The following NEGR1 variants were observed in gnomAD, a reference collection of about 807,000 sequenced individuals.
NEGR1 encodes neuronal growth regulator 1, also known as IgLON family member 4.
NEGR1 carries 10 observed loss-of-function variants against 40.9 expected under a neutral mutation model. The observed-to-expected ratio is 0.24, with a 90% CI of 0.15 to 0.42. NEGR1 has a LOEUF of 0.42. NEGR1 is among the 10% of genes least tolerant of loss of function. NEGR1 has a pLI of 1.00. For synonymous variants in NEGR1, 185 were observed against 166.8 expected, an observed-to-expected ratio of 1.11 and a Z score of -0.84; for missense variants, 352 against 438.9, an observed-to-expected ratio of 0.80 and a Z score of 1.77.
At chr1:72,095,653 T>A (rs577906310) in intron 1 of NEGR1, among the ~76,000 whole-genome samples, 21 of 151,858 alleles carry the variant, frequency 1.4e-4, no homozygotes, top group South Asian at 2.1e-4. Flanking sequence ...ATATATATAT[T>A]TTTTTAAACT....
At chr1:71,957,254 G>A (rs746056562) in intron 1 of NEGR1, among the ~76,000 whole-genome samples, 2 of 151,984 alleles carry the variant, frequency 1.3e-5, no homozygotes, top group Admixed American at 6.6e-5. Context: ...TTTAGTCTAC[G>A]GAGCAGAAAA....
chr1:71,632,649 T>C (rs1175810815), intron 4 of NEGR1, among the ~76,000 whole-genome samples: 1 of 151,888 alleles, frequency 6.6e-6, no homozygotes. Flanking sequence ...TCTCCATAAG[T>C]ACATTATGCC....
At chr1:72,034,767 T>C (rs575705798) in intron 1 of NEGR1, among the ~76,000 whole-genome samples, 1 of 152,000 alleles carries the variant, frequency 6.6e-6, no homozygotes, top group African/African-American at 2.4e-5. Flanking sequence ...AATACAGGAG[T>C]TATTAAGAAA....
intron 4 of NEGR1, among the ~76,000 whole-genome samples, chr1:71,674,481 C>T (rs1421531380): frequency 1.3e-5 from 2 of 151,982 alleles, no homozygotes; most frequent in Non-Finnish European, 2.9e-5. Flanking sequence ...GTTGCCTATG[C>T]TGTTTAGACT....
intron 4 of NEGR1, among the ~76,000 whole-genome samples, chr1:71,671,534 A>G (rs994886192): frequency 1.3e-5 from 2 of 152,198 alleles, no homozygotes; most frequent in African/African-American, 4.8e-5. Flanking sequence ...GGAAAAAACT[A>G]TTTTAGGGTA....
intron 6 of NEGR1, among the ~76,000 whole-genome samples, chr1:71,535,775 G>A (rs114152578): frequency 0.01 from 1,520 of 151,780 alleles, 27 homozygotes; most frequent in African/African-American, 0.034. Context: ...CTTGATGTGA[G>A]ATAGTTCAGT....
chr1:71,499,940 A>C (rs1306468942), intron 6 of NEGR1, among the ~76,000 whole-genome samples: 1 of 152,188 alleles, frequency 6.6e-6, no homozygotes, highest in East Asian at 1.9e-4. Flanking sequence ...TCCAACTGCC[A>C]ATCACAGCTA....
chr1:72,225,156 C>G (rs531237265), intron 1 of NEGR1, among the ~76,000 whole-genome samples: 1 of 151,828 alleles, frequency 6.6e-6, no homozygotes, highest in Non-Finnish European at 1.5e-5. Context: ...GTAGCTGAGG[C>G]CTTCAGACCA....
chr1:72,027,017 C>A (rs972050732), intron 1 of NEGR1, among the ~76,000 whole-genome samples: 4 of 152,070 alleles, frequency 2.6e-5, no homozygotes, highest in Admixed American at 6.5e-5. Context: ...GCTCCACCTG[C>A]CAGATTCATG....
At chr1:72,196,211 A>G (rs971843378) in intron 1 of NEGR1, among the ~76,000 whole-genome samples, 3 of 152,056 alleles carry the variant, frequency 2.0e-5, no homozygotes, top group African/African-American at 7.2e-5. Flanking sequence ...ATGCTCAAAG[A>G]AAATGCTCAC....
chr1:71,760,995 A>AT (rs1358433742), intron 3 of NEGR1, among the ~76,000 whole-genome samples: 3 of 152,180 alleles, frequency 2.0e-5, no homozygotes, highest in African/African-American at 7.2e-5. Flanking sequence ...GTGTTCATAG[A>AT]TTTTAGCTCA....
At chr1:71,458,050 T>TA (rs1011253156) in intron 6 of NEGR1, among the ~76,000 whole-genome samples, 5 of 152,252 alleles carry the variant, frequency 3.3e-5, no homozygotes, top group Non-Finnish European at 5.9e-5. Context: ...GTTATGTCTC[T>TA]AAAAAAATCA....
Position 71,849,678 on chromosome 1 carries a change from T to C in NEGR1, c.410-73381A>G, listed in dbSNP as rs75040951. Among the ~76,000 whole-genome samples, 567 of 152,260 alleles carry C rather than the reference T, an allele frequency of 3.7e-3. 3 individuals are homozygous for C. The highest frequency in any genetic ancestry group is 0.013 in the African/African-American group (532 of 41,556). On this transcript the variant is annotated intron_variant, in intron 2 of 6. Coordinates refer to ENST00000357731, the MANE Select transcript of NEGR1 (RefSeq NM_173808.3). ...TGAAAGGAGGAAGGGTCAATCTATG[T>C]GGCAAACTTGCTTGTTTTATTTTAA...
At chr1:71,782,086 T>A (rs943287796) in intron 2 of NEGR1, among the ~76,000 whole-genome samples, 1 of 152,172 alleles carries the variant, frequency 6.6e-6, no homozygotes, top group African/African-American at 2.4e-5. Context: ...ACAATGTTTG[T>A]GTCTCTCCCA....
chr1:71,961,887 A>G (rs972620222), intron 1 of NEGR1, among the ~76,000 whole-genome samples: 13 of 152,116 alleles, frequency 8.5e-5, no homozygotes, highest in African/African-American at 2.9e-4. Flanking sequence ...TGAGAAAGCC[A>G]CATAACTTCT....
intron 2 of NEGR1, among the ~76,000 whole-genome samples, chr1:71,883,084 G>A (rs551894839): frequency 1.3e-5 from 2 of 152,176 alleles, no homozygotes; most frequent in East Asian, 3.9e-4. Flanking sequence ...TGGCCATAAA[G>A]TATAAATCTT....
intron 1 of NEGR1, among the ~76,000 whole-genome samples, chr1:72,010,392 T>C (rs570618583): frequency 6.6e-6 from 1 of 152,264 alleles, no homozygotes; most frequent in South Asian, 2.1e-4. Context: ...GCCCATAAAA[T>C]GTCCAATTTC....
intron 5 of NEGR1, among the ~76,000 whole-genome samples, chr1:71,599,845 A>C (rs1197921950): frequency 6.6e-6 from 1 of 152,198 alleles, no homozygotes; most frequent in East Asian, 1.9e-4. Context: ...TTTTAACCCT[A>C]CGTTAAATAA....
chr1:72,084,660 A>G (rs1434758390), intron 1 of NEGR1, among the ~76,000 whole-genome samples: 1 of 152,174 alleles, frequency 6.6e-6, no homozygotes, highest in East Asian at 1.9e-4. Context: ...TGTTGAGTAA[A>G]GGAATTAAAT....
Sources: allele counts gnomAD v4.1 joint callset (sites outside exome capture counted in the v4.1 genomes callset), GRCh38; gene constraint gnomAD v4.1.1; transcripts MANE v1.5; gene names NCBI Gene and HGNC (gene_info 2026-07-23, HGNC 2026-07-21).